The following NT5C3B variants were observed in gnomAD, a reference collection of about 807,000 sequenced individuals.
The protein encoded by NT5C3B is 5'-nucleotidase, cytosolic IIIB.
In NT5C3B, 28 loss-of-function variants were observed where a neutral mutation model predicts 32.5. The ratio of observed to expected loss-of-function variants is 0.86; its 90% CI spans 0.64 to 1.18. The LOEUF is 1.18. Ranked by LOEUF, NT5C3B falls within the 50% of genes most tolerant of loss-of-function variation. The pLI, the probability that NT5C3B is intolerant of heterozygous loss-of-function variation, is 0.00. For missense variants in NT5C3B, 317 were observed against 322.0 expected (o/e 0.98, Z 0.12); for synonymous variants, 138 against 118.0 (o/e 1.17, Z -1.10).
chr17:41,831,721 C>T (rs1020232225), intron 5 of NT5C3B, among the ~76,000 whole-genome samples: 4 of 152,208 alleles, frequency 2.6e-5, no homozygotes, highest in African/African-American at 9.7e-5. Context: ...GACTTCCCTG[C>T]TTCCAGAACT....
intron 4 of NT5C3B, among the ~76,000 whole-genome samples, chr17:41,834,319 C>T (rs932122137): frequency 8.0e-5 from 12 of 150,686 alleles, no homozygotes; most frequent in African/African-American, 2.7e-4. Flanking sequence ...TTGCTTGAAC[C>T]GAGGTTGCAG....
Sources: gnomAD v4.1 joint callset for allele counts (sites outside exome capture counted in the v4.1 genomes callset) on GRCh38, gnomAD v4.1.1 for gene constraint, MANE v1.5 for transcripts, NCBI Gene and HGNC (gene_info 2026-07-23, HGNC 2026-07-21) for gene names.